Variants in PI4KA observed in about 807,000 individuals in gnomAD.
PI4KA encodes the protein PI4-kinase alpha.
In PI4KA, 122 loss-of-function variants were observed where a neutral mutation model predicts 271.4. The observed-to-expected ratio is 0.45, with a 90% CI of 0.39 to 0.52. The LOEUF (loss-of-function observed/expected upper bound fraction) is 0.52. Among genes scored for constraint, PI4KA ranks in the 20% least tolerant of loss-of-function variants. The pLI is 0.00. For synonymous variants in PI4KA, 1,041 were observed against 1,078.8 expected (o/e 0.96, Z 0.69); for missense variants, 1,969 against 2,769.1 (o/e 0.71, Z 6.48).
intron 32 of PI4KA, among the ~76,000 whole-genome samples, chr22:20,740,791 A>G (rs1018653859): frequency 6.6e-6 from 1 of 152,236 alleles, no homozygotes; most frequent in Non-Finnish European, 1.5e-5. Flanking sequence ...CTACTAGACA[A>G]TAGAAGATAA....
intron 27 of PI4KA, among the ~76,000 whole-genome samples, chr22:20,750,967 T>G (rs16988764): frequency 6.6e-6 from 1 of 152,146 alleles, no homozygotes; most frequent in Non-Finnish European, 1.5e-5. Context: ...AAAATCATGC[T>G]TGTGCGACGC....
chr22:20,752,906 T>C lies in PI4KA; in HGVS notation c.2984A>G (p.Asp995Gly). ...VADKYLSGLVDKFPHLLWSGT... is the reference protein window; with the variant it reads ...VADKYLSGLVGKFPHLLWSGT... The stretch of plus-strand genomic sequence containing the variant: ...ATTAGCAGGAAAATGAGCTTACTTA[T>C]CCACCAGACCAGATAGATACTTGTC... The change falls in exon 25 of 55, where the codon GAT (aspartate) becomes GGT (glycine). Residue 995 changes from aspartate to glycine, a missense_variant. Transcript: ENST00000255882. 3 of 1,614,022 alleles carry C rather than the reference T, an allele frequency of 1.9e-6. No individual in the cohort carries two copies. The highest frequency in any genetic ancestry group is 2.5e-6 in the Non-Finnish European group (3 of 1,179,868).
chr22:20,858,528 C>G lies in PI4KA; in HGVS notation c.156+42G>C, dbSNP rs537168868. The G allele has an allele frequency of 2.5e-4, 322 of 1,306,318 alleles. 1 individual carries two copies. The African/African-American group carries it at 3.0e-3, about 12-fold the overall frequency. The allele number at this position is 1,306,318 out of a possible 1,614,324, so 80.9% of individuals were successfully genotyped here. Reference sequence around the variant, plus strand: ...CCGCCTCCACGCTTCGTCACCCCAGCCCCTCCTCCTGTCAGCCCGCGGCCC... The same window carrying G: ...CCGCCTCCACGCTTCGTCACCCCAGGCCCTCCTCCTGTCAGCCCGCGGCCC... On this transcript the variant is annotated intron_variant, in intron 1 of 54. Coordinates refer to ENST00000255882, the MANE Select transcript of PI4KA (RefSeq NM_058004.4).
intron 14 of PI4KA, 71 bp downstream of exon 14, chr22:20,801,902 T>C (rs190123605): frequency 3.9e-6 from 6 of 1,527,240 alleles, no homozygotes; most frequent in East Asian, 2.3e-5. Flanking sequence ...GAAGTATAAA[T>C]GTCTCTTATT....
At chr22:20,785,593 T>C (rs530005811) in intron 19 of PI4KA, among the ~76,000 whole-genome samples, 29 of 152,270 alleles carry the variant, frequency 1.9e-4, no homozygotes, top group Non-Finnish European at 3.1e-4. Context: ...TTGTCTAGTA[T>C]ATACAGGAAA....
intron 36 of PI4KA, among the ~76,000 whole-genome samples, chr22:20,730,526 C>T (rs1405200351): frequency 3.3e-5 from 5 of 151,422 alleles, no homozygotes; most frequent in African/African-American, 4.9e-5. Context: ...CCACCCACCT[C>T]GGCCTCCCAA....
chr22:20,769,214 C>G (rs998361749), intron 19 of PI4KA, among the ~76,000 whole-genome samples: 5 of 152,166 alleles, frequency 3.3e-5, no homozygotes, highest in Non-Finnish European at 5.9e-5. Flanking sequence ...ATTTGGGATC[C>G]TACTCCTGAC....
chr22:20,738,487 C>A (rs1928996467), intron 32 of PI4KA, among the ~76,000 whole-genome samples: 1 of 152,202 alleles, frequency 6.6e-6, no homozygotes, highest in South Asian at 2.1e-4. Flanking sequence ...GGAGGTCAGG[C>A]TCCCCACTGT....
chr22:20,825,975 T>C (rs902392076), intron 3 of PI4KA, among the ~76,000 whole-genome samples: 3 of 152,230 alleles, frequency 2.0e-5, no homozygotes, highest in African/African-American at 7.2e-5. Flanking sequence ...AGTGAGAACA[T>C]GCAGCGTTTG....
intron 42 of PI4KA, among the ~76,000 whole-genome samples, chr22:20,724,335 G>A (rs569187908): frequency 1.3e-5 from 2 of 151,382 alleles, no homozygotes; most frequent in South Asian, 4.2e-4. Flanking sequence ...GCTGAGCGCA[G>A]TGGCTCATGC....
At chr22:20,848,629 TCA>T (rs1034128750) in intron 1 of PI4KA, among the ~76,000 whole-genome samples, 24 of 152,190 alleles carry the variant, frequency 1.6e-4, no homozygotes, top group East Asian at 9.6e-4. Flanking sequence ...AACTGGATAT[TCA>T]CATGCAAAAG....
chr22:20,736,033 T>C (rs1341131243), intron 32 of PI4KA, among the ~76,000 whole-genome samples: 2 of 151,958 alleles, frequency 1.3e-5, no homozygotes, highest in Non-Finnish European at 2.9e-5. Flanking sequence ...CAGTCTATGG[T>C]GGGGACCACA....
intron 18 of PI4KA, among the ~76,000 whole-genome samples, chr22:20,795,437 CTT>C (rs1237908193): frequency 3.9e-5 from 6 of 152,134 alleles, no homozygotes; most frequent in Admixed American, 1.3e-4. Flanking sequence ...AAAAACAAAA[CTT>C]GAGTCAAAAA....
At chr22:20,760,887 C>T (rs890782961) in intron 23 of PI4KA, among the ~76,000 whole-genome samples, 3 of 152,184 alleles carry the variant, frequency 2.0e-5, no homozygotes, top group African/African-American at 7.2e-5. Context: ...CAATCTTGAA[C>T]TCCTGGGCTC....
chr22:20,824,147 G>C (rs368115442), intron 4 of PI4KA, among the ~76,000 whole-genome samples, 179 bp downstream of exon 4: 93 of 151,076 alleles, frequency 6.2e-4, no homozygotes, highest in South Asian at 2.9e-3. Flanking sequence ...GATAAGACTC[G>C]AGATCCTAAA....
rs1364830543 is a variant in PI4KA, at chr22:20,733,202, C to A, written c.4161-104G>T. ...GGTGATGCAGACAGTTTCTTAATGA[C>A]AAAAGGTCAGCCCAAAGCCAGTCAT... On this transcript the variant is annotated intron_variant, in intron 35 of 54. Coordinates refer to ENST00000255882, the MANE Select transcript of PI4KA (RefSeq NM_058004.4). 1.3e-5 allele frequency: 17 copies of A among 1,350,592 alleles called. No individual in the cohort carries two copies. In the South Asian group the frequency reaches 1.5e-4, roughly 12 times the overall value. 83.7% of individuals were successfully genotyped at this position (1,350,592 alleles called of 1,614,324 possible).
At chr22:20,829,298 G>A (rs1923847193) in intron 3 of PI4KA, among the ~76,000 whole-genome samples, 1 of 152,084 alleles carries the variant, frequency 6.6e-6, no homozygotes, top group Non-Finnish European at 1.5e-5. Context: ...GCTTTCTTCA[G>A]CTGGCAGACT....
Position 20,819,973 on chromosome 22 carries a change from T to C in PI4KA, c.530-73A>G. 3.1e-6 allele frequency: 4 copies of C among 1,282,656 alleles called. No individual in the cohort carries two copies. The South Asian group carries it at 4.1e-5, about 13-fold the overall frequency. The allele number at this position is 1,282,656 out of a possible 1,614,324, so 79.5% of individuals were successfully genotyped here. A position where few individuals can be genotyped will look rare whatever the true frequency, so the allele number is the denominator to read the frequency against. ...GAGTCATATAGTAAGTACTAACTTG[T>C]AACATTGACTAAGATTTCACAACCC... On this transcript the variant is annotated intron_variant, in intron 5 of 54. Coordinates refer to ENST00000255882, the MANE Select transcript of PI4KA (RefSeq NM_058004.4).
chr22:20,803,079 A>C, intron 13 of PI4KA, 112 bp downstream of exon 13: 1 of 1,084,004 alleles, frequency 9.2e-7, no homozygotes, highest in African/African-American at 1.6e-5. Context: ...AGACAGAAGG[A>C]AAGGTGTGGC....
Sources: gnomAD v4.1 joint callset for allele counts (sites outside exome capture counted in the v4.1 genomes callset) on GRCh38, gnomAD v4.1.1 for gene constraint, MANE v1.5 for transcripts, NCBI Gene and HGNC (gene_info 2026-07-23, HGNC 2026-07-21) for gene names.